The following ZNF800 variants were observed in gnomAD, a reference collection of about 807,000 sequenced individuals.
ZNF800 encodes the protein zinc finger protein 800.
In ZNF800, 13 loss-of-function variants were observed where a neutral mutation model predicts 59.5. That is an observed-to-expected ratio of 0.22 (90% CI 0.14 to 0.35). ZNF800 has a LOEUF of 0.35. ZNF800 is among the 10% of genes least tolerant of loss of function. The pLI is 1.00. For synonymous variants in ZNF800, 266 were observed against 265.7 expected, an observed-to-expected ratio of 1.00 and a Z score of -0.01; for missense variants, 621 against 783.7, an observed-to-expected ratio of 0.79 and a Z score of 2.48.
chr7:127,382,720 G>C (rs1226689485), intron 3 of ZNF800, among the ~76,000 whole-genome samples: 1 of 151,798 alleles, frequency 6.6e-6, no homozygotes, highest in African/African-American at 2.4e-5. Flanking sequence ...ATAAATAGTT[G>C]AATCTACAGT....
chr7:127,343,335 T>C (rs2116993285), downstream of ZNF800, among the ~76,000 whole-genome samples: 1 of 151,596 alleles, frequency 6.6e-6, no homozygotes, highest in South Asian at 2.1e-4. Flanking sequence ...AGGAAAAAAG[T>C]AACTAAAAAG....
chr7:127,375,047 AAAC>A lies in ZNF800; in HGVS notation c.302-16_302-14del. On this transcript the variant is annotated splice_polypyrimidine_tract_variant and intron_variant, in intron 4 of 5. Coordinates refer to ENST00000265827, the MANE Select transcript of ZNF800 (RefSeq NM_176814.5). ...ACATCAGGAAGGTCTGTTAAGGAAA[AAAC>A]AACATTTTAATCTGAAGTAATTAGC... is the stretch of plus-strand genomic sequence containing the variant. 6.5e-7 allele frequency: 1 copy of A among 1,528,560 alleles called. No individual in the cohort carries two copies. The highest frequency in any genetic ancestry group is 8.7e-7 in the Non-Finnish European group (1 of 1,144,744). The allele number at this position is 1,528,560 out of a possible 1,614,324, so 94.7% of individuals were successfully genotyped here.
chr7:127,349,900 T>A (rs140149498), intron 1 of ZNF800: 1 of 152,334 alleles, frequency 6.6e-6, no homozygotes, highest in East Asian at 1.9e-4. Context: ...TGATTTCAAT[T>A]TAACTCAACA....
intron 5 of ZNF800, chr7:127,372,533 C>A: frequency 9.2e-5 from 63 of 683,236 alleles, no homozygotes; most frequent in Non-Finnish European, 1.1e-4. Context: ...ATGAATTTTA[C>A]TTTTCTTACG....
downstream of ZNF800, among the ~76,000 whole-genome samples, chr7:127,343,799 C>T (rs1292260639): frequency 1.3e-5 from 2 of 152,032 alleles, no homozygotes; most frequent in African/African-American, 2.4e-5. Context: ...TAACAGGATA[C>T]ATCTCATGCA....
chr7:127,345,311 T>G (rs983472452), downstream of ZNF800, among the ~76,000 whole-genome samples: 6 of 144,510 alleles, frequency 4.2e-5, no homozygotes, highest in Non-Finnish European at 7.7e-5. Flanking sequence ...CCCCCAAAGG[T>G]AAATAAAAAA....
chr7:127,372,674 T>TA (rs1487473352), intron 5 of ZNF800: 2 of 984,742 alleles, frequency 2.0e-6, no homozygotes, highest in African/African-American at 1.8e-5. Context: ...AGATCAAAAC[T>TA]AAAAAACAGT....
chr7:127,347,562 A>G (rs891436167), exon 2 of ZNF800: 1 of 152,300 alleles, frequency 6.6e-6, no homozygotes, highest in Non-Finnish European at 1.5e-5. Context: ...AGATTCTCAA[A>G]GAAGCCGGGA....
At chr7:127,344,390 C>T (rs867815466), downstream of ZNF800, among the ~76,000 whole-genome samples, 1 of 152,010 alleles carries the variant, frequency 6.6e-6, no homozygotes, top group South Asian at 2.1e-4. Context: ...GTAACCTTAA[C>T]ACATGACAAG....
Position 127,383,155 on chromosome 7 carries a change from A to C in ZNF800, c.157+2905T>G, listed in dbSNP as rs552431000. Among the ~76,000 whole-genome samples, 6 of 152,332 alleles carry C rather than the reference A, an allele frequency of 3.9e-5. No individual in the cohort carries two copies. The East Asian group carries it at 1.2e-3, about 29-fold the overall frequency. ...TAGCACACATCAAGTGGTGGACATTAAAAATGAGTCAACTCCTTCATAAGA... is the reference window on the plus strand; with the variant it reads ...TAGCACACATCAAGTGGTGGACATTCAAAATGAGTCAACTCCTTCATAAGA... On this transcript the variant is annotated intron_variant, in intron 3 of 5. Coordinates refer to ENST00000265827, the MANE Select transcript of ZNF800 (RefSeq NM_176814.5).
At chr7:127,360,392 T>C (rs900516164) in intron 1 of ZNF800, 9 of 152,158 alleles carry the variant, frequency 5.9e-5, no homozygotes, top group African/African-American at 1.9e-4. Flanking sequence ...CTCTAGTACA[T>C]TGAAAATAAC....
intron 2 of ZNF800, 42 bp from the exon 3 acceptor site, chr7:127,386,197 AG>A (rs752598510): frequency 7.9e-7 from 1 of 1,257,900 alleles, no homozygotes; most frequent in South Asian, 1.3e-5. Context: ...CCACAAAAAA[AG>A]GGTTATTTAA....
At chr7:127,354,882 A>G (rs1800238629) in intron 1 of ZNF800, among the ~76,000 whole-genome samples, 1 of 152,082 alleles carries the variant, frequency 6.6e-6, no homozygotes, top group Non-Finnish European at 1.5e-5. Context: ...TATACAAAAT[A>G]TCAGGTGGTG....
intron 3 of ZNF800, among the ~76,000 whole-genome samples, chr7:127,385,222 A>C (rs1801101525): frequency 6.6e-6 from 1 of 152,222 alleles, no homozygotes; most frequent in Admixed American, 6.5e-5. Context: ...TTAAGATTTA[A>C]ATAATGACAA....
At chr7:127,391,685 T>A (rs1801323733) in intron 1 of ZNF800, 70 bp from the exon 2 acceptor site, 5 of 771,104 alleles carry the variant, frequency 6.5e-6, no homozygotes, top group African/African-American at 1.7e-5. Context: ...ATTTTCCAGA[T>A]ACGTTCCCAT....
rs773196996 is a variant in ZNF800, at chr7:127,374,230, C to G, written c.1106G>C (p.Ser369Thr). Residue 369 changes from serine to threonine, a missense_variant, in exon 5 of 6, where the codon AGT becomes ACT. Physicochemically the swap from Ser to Thr is moderately conservative, Grantham distance 58. Transcript: ENST00000265827. ...CKCLLCKRKY[S>T]SQIMLKRHMQ... is the part of the protein sequence containing the mutation. ...ATGTCTTTTAAGCATTATTTGTGAACTATATTTCCTCTTGCAAAGGAGGCA... is the reference window on the plus strand; with the variant it reads ...ATGTCTTTTAAGCATTATTTGTGAAGTATATTTCCTCTTGCAAAGGAGGCA... 6.2e-7 allele frequency: 1 copy of G among 1,614,022 alleles called. No homozygotes were observed. The highest frequency in any genetic ancestry group is 8.5e-7 in the Non-Finnish European group (1 of 1,179,982).
chr7:127,374,361 C>T lies in ZNF800; in HGVS notation c.975G>A (p.Lys325=), dbSNP rs150608211. 1,156 of 1,613,720 alleles carry T rather than the reference C, an allele frequency of 7.2e-4. No individual in the cohort carries two copies. Among genetic ancestry groups the T allele is most frequent in the Non-Finnish European group, 8.7e-4 (1,031 of 1,179,972 alleles). ...RDSITPDIAT[K]PGQPLFLDSI... ...AATCCAGGAACAAAGGTTGCCCAGG[C>T]TTTGTTGCTATATCAGGAGTAATTG... Residue 325 remains lysine, a synonymous_variant, in exon 5 of 6, where the codon AAG becomes AAA. Coordinates refer to ENST00000265827, the MANE Select transcript of ZNF800 (RefSeq NM_176814.5).
chr7:127,374,178 A>C lies in ZNF800; in HGVS notation c.1158T>G (p.Leu386=). ...TTTCTCTTTTAGAGTTTGTTCCAGA[A>C]AGAGTTATCTTGTGGACAATTTGCA... ...RHMQIVHKIT[L]SGTNSKREKG... The change falls in exon 5 of 6, where the codon CTT becomes CTG. Residue 386 remains leucine (L), a synonymous_variant. Transcript: ENST00000265827. The C allele has an allele frequency of 6.2e-7, 1 of 1,613,990 alleles. No homozygotes were observed. The highest frequency in any genetic ancestry group is 8.5e-7 in the Non-Finnish European group (1 of 1,179,980).
intron 2 of ZNF800, among the ~76,000 whole-genome samples, chr7:127,387,915 AG>A (rs1277740747): frequency 9.3e-6 from 1 of 107,970 alleles, no homozygotes; most frequent in Non-Finnish European, 1.9e-5. Context: ...AGATTAATTA[AG>A]AACACACACA....
Sources: allele counts gnomAD v4.1 joint callset (sites outside exome capture counted in the v4.1 genomes callset), GRCh38; gene constraint gnomAD v4.1.1; transcripts MANE v1.5; gene names NCBI Gene and HGNC (gene_info 2026-07-23, HGNC 2026-07-21).